RGS6: variants seen among roughly 807,000 people sequenced by gnomAD.
RGS6 encodes regulator of G protein signaling 6, also known as regulator of G-protein signaling 6.
Under a neutral mutation model 78.5 loss-of-function variants are expected in RGS6, and 30 were observed. The observed-to-expected ratio is 0.38, with a 90% CI of 0.29 to 0.52. The LOEUF (loss-of-function observed/expected upper bound fraction) is 0.52. RGS6 is among the 20% of genes least tolerant of loss of function. The pLI, the probability that RGS6 is intolerant of heterozygous loss-of-function variation, is 0.85. For synonymous variants in RGS6, 206 were observed against 206.0 expected (o/e 1.00, Z 0.00); for missense variants, 495 against 609.7 (o/e 0.81, Z 1.98).
At chr14:72,003,821 T>C (rs566414386) in intron 2 of RGS6, among the ~76,000 whole-genome samples, 1 of 152,132 alleles carries the variant, frequency 6.6e-6, no homozygotes, top group East Asian at 1.9e-4. Context: ...ATTTCCCAAG[T>C]TGGGGCAACA....
chr14:72,458,320 T>C lies in RGS6; in HGVS notation c.285T>C (p.Phe95=), dbSNP rs771757425. 1 of 1,614,180 alleles carries C rather than the reference T, an allele frequency of 6.2e-7. No individual in the cohort carries two copies. Among genetic ancestry groups the C allele is most frequent in the Middle Eastern group, 1.6e-4 (1 of 6,062 alleles). Residue 95 remains phenylalanine, a synonymous_variant, in exon 5 of 18, where the codon TTT becomes TTC. Coordinates refer to ENST00000553525, the MANE Select transcript of RGS6 (RefSeq NM_001204424.2). ...GSLIAAQGYI[F]PISDHVLTMK... is the part of the protein sequence containing the mutation. ...TTATCGCTGCCCAGGGCTACATCTT[T>C]CCAATCTCAGACCATGTTCTCACCA...
the RGS6 span, chr14:72,612,580 G>A: frequency 4.4e-6 from 2 of 458,752 alleles, no homozygotes; most frequent in Middle Eastern, 3.3e-4. Flanking sequence ...AGAGGGAAGG[G>A]AGGAAACAGT....
rs567735079 is a variant in RGS6 at position 72,194,657 on chromosome 14, C to T, written c.85-157438C>T. On this transcript the variant is annotated intron_variant, in intron 2 of 17. Transcript: ENST00000553525. ...GATTACAGGCGTGAGCTACTGTGCC[C>T]GGCCTGGTTTACATTTTAGAAAAAG... Among the ~76,000 whole-genome samples the T allele has an allele frequency of 2.7e-4, 41 of 152,028 alleles. No individual in the cohort carries two copies. The East Asian group carries it at 3.5e-3, about 13-fold the overall frequency.
At chr14:72,318,803 A>G (rs2071042953) in intron 2 of RGS6, among the ~76,000 whole-genome samples, 1 of 152,140 alleles carries the variant, frequency 6.6e-6, no homozygotes, top group Non-Finnish European at 1.5e-5. Flanking sequence ...ACCTGCTACC[A>G]TGTAGTAGCA....
intron 2 of RGS6, among the ~76,000 whole-genome samples, chr14:72,028,630 T>G (rs1456481170): frequency 1.3e-5 from 2 of 152,236 alleles, no homozygotes; most frequent in Non-Finnish European, 2.9e-5. Context: ...GTTTTTGTTT[T>G]AAATGTCAGC....
chr14:72,503,935 A>G (rs2096763285), intron 13 of RGS6, among the ~76,000 whole-genome samples: 1 of 152,196 alleles, frequency 6.6e-6, no homozygotes, highest in Admixed American at 6.5e-5. Flanking sequence ...CCAGTCCACC[A>G]TGGCTCTGCT....
chr14:72,311,938 C>T (rs1031140735), intron 2 of RGS6, among the ~76,000 whole-genome samples: 2 of 152,156 alleles, frequency 1.3e-5, no homozygotes, highest in African/African-American at 2.4e-5. Context: ...GGGTCAAGAT[C>T]GATTTCTTCA....
At chr14:72,182,865 A>G (rs2097192210) in intron 2 of RGS6, among the ~76,000 whole-genome samples, 6 of 152,238 alleles carry the variant, frequency 3.9e-5, no homozygotes, top group Admixed American at 3.9e-4. Flanking sequence ...AGAGCTTTGG[A>G]AAAACATTTA....
At chr14:72,051,693 C>T (rs1369168812) in intron 2 of RGS6, among the ~76,000 whole-genome samples, 1 of 151,984 alleles carries the variant, frequency 6.6e-6, no homozygotes, top group Non-Finnish European at 1.5e-5. Context: ...TCTGTGACAC[C>T]ATCTCATTGT....
intron 3 of RGS6, among the ~76,000 whole-genome samples, chr14:72,396,990 C>T (rs1007112847): frequency 3.9e-5 from 6 of 152,162 alleles, no homozygotes; most frequent in African/African-American, 1.2e-4. Flanking sequence ...ATGCCTCCAG[C>T]TTTGTTCTTT....
chr14:71,919,984 G>C, the RGS6 span, among the ~76,000 whole-genome samples: 1 of 151,908 alleles, frequency 6.6e-6, no homozygotes, highest in African/African-American at 2.4e-5. Flanking sequence ...ACAGAGCAAG[G>C]CTCTGTCTCA....
chr14:72,154,373 C>T (rs748966071), intron 2 of RGS6, among the ~76,000 whole-genome samples: 9 of 152,030 alleles, frequency 5.9e-5, no homozygotes, highest in South Asian at 2.1e-4. Flanking sequence ...ATGAAGATAA[C>T]GGTATTAAGA....
intron 3 of RGS6, among the ~76,000 whole-genome samples, chr14:72,436,128 GAGGTGGCCTTGCGGATGGA>G (rs1294770773): frequency 6.6e-6 from 1 of 152,192 alleles, no homozygotes; most frequent in East Asian, 1.9e-4. Flanking sequence ...TGTGAACCAT[GAGGTGGCCTTGCGGATGGA>G]AGTCAAGCAC....
intron 2 of RGS6, among the ~76,000 whole-genome samples, chr14:72,211,718 C>A (rs1216586084): frequency 1.3e-5 from 2 of 152,182 alleles, no homozygotes; most frequent in East Asian, 3.8e-4. Context: ...CGAAGTTCAA[C>A]TGCAAAATAC....
chr14:72,384,187 A>T (rs1229848912), intron 3 of RGS6, among the ~76,000 whole-genome samples: 1 of 152,214 alleles, frequency 6.6e-6, no homozygotes, highest in African/African-American at 2.4e-5. Context: ...ACACTGGGGC[A>T]TGGTGATGGA....
chr14:72,051,534 AAAAC>A (rs1426324645), intron 2 of RGS6, among the ~76,000 whole-genome samples: 10 of 152,370 alleles, frequency 6.6e-5, no homozygotes, highest in Non-Finnish European at 1.0e-4. Flanking sequence ...GTATGAAAAT[AAAAC>A]AAACAAAAGT....
chr14:72,540,021 C>CTTTT lies in RGS6; in HGVS notation c.1369-11_1369-8dup. 3 of 1,187,274 alleles carry CTTTT rather than the reference C, an allele frequency of 2.5e-6. No individual in the cohort carries two copies. Among genetic ancestry groups the CTTTT allele is most frequent in the Non-Finnish European group, 1.1e-6 (1 of 871,524 alleles). The allele number at this position is 1,187,274 out of a possible 1,614,324, so 73.5% of individuals were successfully genotyped here. On this transcript the variant is annotated intron_variant, in intron 16 of 17. Coordinates refer to ENST00000553525, the MANE Select transcript of RGS6 (RefSeq NM_001204424.2). ...TTTTTTCTGTATTTTTCTCCCTACC[C>CTTTT]TTTTTTTTTTTTCCTAAAGCCAGAA...
chr14:72,541,995 T>A (rs186661436), intron 17 of RGS6, among the ~76,000 whole-genome samples: 115 of 152,284 alleles, frequency 7.6e-4, no homozygotes, highest in African/African-American at 2.5e-3. Flanking sequence ...AAGACACCCC[T>A]AAGTGTCTGA....
At chr14:72,342,487 A>T (rs532871866) in intron 2 of RGS6, among the ~76,000 whole-genome samples, 10 of 151,092 alleles carry the variant, frequency 6.6e-5, no homozygotes, top group African/African-American at 2.4e-4. Flanking sequence ...AACTGCTTGA[A>T]CCCAGGAGGT....
Sources: allele counts gnomAD v4.1 joint callset (sites outside exome capture counted in the v4.1 genomes callset), GRCh38; gene constraint gnomAD v4.1.1; transcripts MANE v1.5; gene names NCBI Gene and HGNC (gene_info 2026-07-23, HGNC 2026-07-21).